CTSZ: variants seen among roughly 807,000 people sequenced by gnomAD.
CTSZ encodes the protein cathepsin Z.
A neutral mutation model predicts 32.4 loss-of-function variants in CTSZ; 39 were observed. That is an observed-to-expected ratio of 1.20 (90% CI 0.93 to 1.57). The LOEUF (loss-of-function observed/expected upper bound fraction) is 1.57, where lower values mean the gene tolerates loss of function less well. Among genes scored for constraint, CTSZ ranks in the 40% most tolerant of loss-of-function variants. The pLI is 0.00. For synonymous variants in CTSZ, 168 were observed against 170.1 expected (o/e 0.99, Z 0.10); for missense variants, 397 against 419.6 (o/e 0.95, Z 0.47).
chr20:59,006,627 G>A, intron 1 of CTSZ, 142 bp from the exon 2 acceptor site: 1 of 868,188 alleles, frequency 1.2e-6, no homozygotes, highest in South Asian at 1.7e-5. Context: ...GGTGAGCCAG[G>A]TGTGGGCCCA....
Position 59,007,215 on chromosome 20 carries a change from G to GATC in CTSZ, c.-88_-87insGAT. The GATC allele has an allele frequency of 8.4e-7, 1 of 1,193,674 alleles. No homozygotes were observed. Among genetic ancestry groups the GATC allele is most frequent in the Non-Finnish European group, 1.0e-6 (1 of 969,408 alleles). The allele number at this position is 1,193,674 out of a possible 1,614,324, so 73.9% of individuals were successfully genotyped here. A position where few individuals can be genotyped will look rare whatever the true frequency, so the allele number is the denominator to read the frequency against. On this transcript the variant is annotated 5_prime_UTR_variant, in exon 1 of 6. Transcript: ENST00000217131. ...GGCTCCCGCTCTGGATCCCGCCCCGGCCTCGGCCTCGGCCCAGCACCCGGC... is the reference window on the plus strand; with the variant it reads ...GGCTCCCGCTCTGGATCCCGCCCCGGATCCCTCGGCCTCGGCCCAGCACCCGGC...
At chr20:59,003,325 A>T (rs2091897316) in intron 2 of CTSZ, among the ~76,000 whole-genome samples, 1 of 152,204 alleles carries the variant, frequency 6.6e-6, no homozygotes, top group Admixed American at 6.5e-5. Flanking sequence ...ACCCGGCCTA[A>T]CCAGCTCACT....
In CTSZ at chr20:58,995,492, T is replaced by C; in HGVS notation, c.*157A>G. The stretch of plus-strand genomic sequence containing the variant: ...TCATAAGTCATCCCACTTTCAACTC[T>C]CAGGAACACTCGCAGCCAGTGCCAC... On this transcript the variant is annotated 3_prime_UTR_variant, in exon 6 of 6. Coordinates refer to ENST00000217131, the MANE Select transcript of CTSZ (RefSeq NM_001336.4). 1.6e-6 allele frequency: 1 copy of C among 620,666 alleles called. No individual in the cohort carries two copies. The highest frequency in any genetic ancestry group is 2.8e-6 in the Non-Finnish European group (1 of 351,784). The allele number at this position is 620,666 out of a possible 1,614,324, so 38.4% of individuals were successfully genotyped here. A position where few individuals can be genotyped will look rare whatever the true frequency, so the allele number is the denominator to read the frequency against.
At chr20:59,005,245 G>A (rs1308287843) in intron 2 of CTSZ, among the ~76,000 whole-genome samples, 1 of 152,152 alleles carries the variant, frequency 6.6e-6, no homozygotes. Context: ...CACAGCTTCA[G>A]CTGGCTGGCT....
chr20:59,003,565 G>A (rs1040067275), intron 2 of CTSZ, among the ~76,000 whole-genome samples: 1 of 152,220 alleles, frequency 6.6e-6, no homozygotes, highest in African/African-American at 2.4e-5. Flanking sequence ...CCACAGTTAA[G>A]TCAAGGAGCA....
Position 59,006,394 on chromosome 20 carries a change from T to C in CTSZ, c.235A>G (p.Ile79Val), listed in dbSNP as rs2091908734. ...RNVDGVNYAS[I>V]TRNQHIPQYC... is the part of the protein sequence containing the mutation. ...TGGGGGATGTGCTGGTTCCGGGTGA[T>C]GCTGGCATAGTTGACACCATCCACA... The change falls in exon 2 of 6, where the codon ATC (isoleucine) becomes GTC (valine). Residue 79 changes from isoleucine (I) to valine (V), a missense_variant. Coordinates refer to ENST00000217131, the MANE Select transcript of CTSZ (RefSeq NM_001336.4). 1 of 1,613,990 alleles carries C rather than the reference T, an allele frequency of 6.2e-7. No individual in the cohort carries two copies. The highest frequency in any genetic ancestry group is 8.5e-7 in the Non-Finnish European group (1 of 1,180,016).
In CTSZ at chr20:59,001,621, C is replaced by T; in HGVS notation, c.331G>A (p.Gly111Arg). The stretch of plus-strand genomic sequence containing the variant: ...GACAGGAGGGTGGAGGGCCACGCTC[C>T]CTTCCTCTTGATGTTGATCCGATCT... ...MADRINIKRKGAWPSTLLSVQ... is the reference protein window; with the variant it reads ...MADRINIKRKRAWPSTLLSVQ... Residue 111 changes from glycine (G) to arginine (R), a missense_variant, in exon 3 of 6, where the codon GGA (glycine) becomes AGA (arginine). By Grantham distance (125) the Gly-to-Arg change is moderately radical. Coordinates refer to ENST00000217131, the MANE Select transcript of CTSZ (RefSeq NM_001336.4). The T allele has an allele frequency of 6.2e-7, 1 of 1,614,012 alleles. No individual in the cohort carries two copies. Among genetic ancestry groups the T allele is most frequent in the Non-Finnish European group, 8.5e-7 (1 of 1,179,928 alleles).
chr20:58,996,711 A>G lies in CTSZ; in HGVS notation c.729T>C (p.Val243=). The part of the protein sequence containing the change: ...YQDTTYINHV[V]SVAGWGISDG... ...CACTGATGCCCCACCCAGCCACAGAAACGACATGGTTTATATATGTGGTGT... is the reference window on the plus strand; with the variant it reads ...CACTGATGCCCCACCCAGCCACAGAGACGACATGGTTTATATATGTGGTGT... Residue 243 remains valine, a synonymous_variant, in exon 5 of 6, where the codon GTT becomes GTC. Coordinates refer to ENST00000217131, the MANE Select transcript of CTSZ (RefSeq NM_001336.4). 1 of 1,614,198 alleles carries G rather than the reference A, an allele frequency of 6.2e-7. No homozygotes were observed. The highest frequency in any genetic ancestry group is 8.5e-7 in the Non-Finnish European group (1 of 1,180,018).
At chr20:59,006,168 G>C (rs2091907932) in intron 2 of CTSZ, 154 bp downstream of exon 2, 9 of 1,003,660 alleles carry the variant, frequency 9.0e-6, no homozygotes, top group East Asian at 5.3e-5. Context: ...TCAGCAGAGG[G>C]CAAAGGCCCG....
At chr20:59,003,842 G>A (rs1264938351) in intron 2 of CTSZ, among the ~76,000 whole-genome samples, 2 of 152,128 alleles carry the variant, frequency 1.3e-5, no homozygotes, top group Non-Finnish European at 2.9e-5. Context: ...AAGGCCAGAG[G>A]GTTCTGTCTT....
In CTSZ at chr20:59,004,288, C is replaced by T. The variant is rs2091900769; in HGVS notation, c.307+2034G>A. Among the ~76,000 whole-genome samples, 1 of 151,996 alleles carries T rather than the reference C, an allele frequency of 6.6e-6. No homozygotes were observed. The highest frequency in any genetic ancestry group is 2.4e-5 in the African/African-American group (1 of 41,368). On this transcript the variant is annotated intron_variant, in intron 2 of 5. Coordinates refer to ENST00000217131, the MANE Select transcript of CTSZ (RefSeq NM_001336.4). This position sits in a 1 kb window ranked among gnomAD's most constrained non-coding sequence, Gnocchi z 5.6. Reference sequence around the variant, plus strand: ...GCTGAGTTCAGGTGAAGGGTTGGTCCTGGGGAAGCTGACACTCAGAACTCT... The same window carrying T: ...GCTGAGTTCAGGTGAAGGGTTGGTCTTGGGGAAGCTGACACTCAGAACTCT...
At chr20:58,995,840 C>T (rs931789474) in intron 5 of CTSZ, 81 bp from the exon 6 acceptor site, 1 of 1,263,540 alleles carries the variant, frequency 7.9e-7, no homozygotes, top group African/African-American at 1.5e-5. Flanking sequence ...CTGCCCCCTG[C>T]TTTCTGCCTC....
rs1019400656 is a variant in CTSZ at position 59,004,284 on chromosome 20, G to A, written c.307+2038C>T. 2.1e-4 allele frequency among the ~76,000 whole-genome samples: 32 copies of A among 152,076 alleles called. No individual in the cohort carries two copies. The highest frequency in any genetic ancestry group is 3.7e-4 in the Non-Finnish European group (25 of 67,998). ...TCAAGCTGAGTTCAGGTGAAGGGTT[G>A]GTCCTGGGGAAGCTGACACTCAGAA... On this transcript the variant is annotated intron_variant, in intron 2 of 5. Coordinates refer to ENST00000217131, the MANE Select transcript of CTSZ (RefSeq NM_001336.4). The surrounding 1 kb of genome is among the most constrained non-coding windows in gnomAD (Gnocchi z 5.6).
chr20:59,006,913 G>T, intron 1 of CTSZ, 73 bp downstream of exon 1: 1 of 1,266,196 alleles, frequency 7.9e-7, no homozygotes, highest in Admixed American at 3.9e-5. Context: ...GGGCCCCCAG[G>T]AGGCAGAGCG....
In CTSZ at chr20:58,995,618, TTTC is replaced by T. The variant is rs778878200; in HGVS notation, c.*28_*30del. 5 of 1,601,680 alleles carry T rather than the reference TTTC, an allele frequency of 3.1e-6. No individual in the cohort carries two copies. Among genetic ancestry groups the T allele is most frequent in the African/African-American group, 2.7e-5 (2 of 74,664 alleles). ...CCTCTGGTCATGGGTCACCATGCCT[TTTC>T]TTAAACTGCGCTTCTAGTGACATGG... On this transcript the variant is annotated 3_prime_UTR_variant, in exon 6 of 6. Transcript: ENST00000217131.
Position 58,997,556 on chromosome 20 carries a change from CT to C in CTSZ, c.638+46del, listed in dbSNP as rs761404089. The C allele has an allele frequency of 1.7e-5, 26 of 1,489,910 alleles. No homozygotes were observed. The South Asian group carries it at 3.1e-4, about 18-fold the overall frequency. The allele number at this position is 1,489,910 out of a possible 1,614,324, so 92.3% of individuals were successfully genotyped here. A position where few individuals can be genotyped will look rare whatever the true frequency, so the allele number is the denominator to read the frequency against. The stretch of plus-strand genomic sequence containing the variant: ...CGGGACCTTTCCTCACCCGCGGGAC[CT>C]TTCCTCACCCGCAAACCTCTCTTTG... On this transcript the variant is annotated intron_variant, in intron 4 of 5. Transcript: ENST00000217131.
In CTSZ at chr20:59,001,541, G is replaced by A. The variant is rs774837331; in HGVS notation, c.411C>T (p.Asp137=). 150 of 1,614,098 alleles carry A rather than the reference G, an allele frequency of 9.3e-5. 3 individuals are homozygous for A. In the South Asian group the frequency reaches 1.6e-3, roughly 17 times the overall value. The change falls in exon 3 of 6, where the codon GAC becomes GAT. Residue 137 remains aspartate (D), a synonymous_variant. Transcript: ENST00000217131. ...GGTGGGCGTAGTCCCACACGGACAG[G>A]TCATTACCCCCTTCACAGGAGCCAG... The part of the protein sequence containing the change: ...GNAGSCEGGN[D]LSVWDYAHQH...
At chr20:59,001,707 C>G (rs1350209237) in intron 2 of CTSZ, 63 bp from the exon 3 acceptor site, 36 of 1,552,566 alleles carry the variant, frequency 2.3e-5, no homozygotes, top group Non-Finnish European at 3.2e-5. Context: ...CCCGAACGGA[C>G]CTGGACGCCT....
At chr20:59,006,915 G>T in intron 1 of CTSZ, 71 bp downstream of exon 1, 1 of 1,275,272 alleles carries the variant, frequency 7.8e-7, no homozygotes, top group Non-Finnish European at 1.0e-6. Context: ...GCCCCCAGGA[G>T]GCAGAGCGCG....
Sources: gnomAD v4.1 joint callset for allele counts (sites outside exome capture counted in the v4.1 genomes callset) on GRCh38, gnomAD v4.1.1 for gene constraint, Gnocchi (gnomAD v3.1) non-coding constraint, MANE v1.5 for transcripts, NCBI Gene and HGNC (gene_info 2026-07-23, HGNC 2026-07-21) for gene names.